Variants in CTDP1 observed in about 807,000 individuals in gnomAD.
CTDP1 encodes the protein RNA polymerase II subunit A C-terminal domain phosphatase.
In CTDP1, 47 loss-of-function variants were observed where a neutral mutation model predicts 91.8. The ratio of observed to expected loss-of-function variants is 0.51; its 90% CI spans 0.41 to 0.65. The LOEUF is 0.65. CTDP1 is among the 30% of genes least tolerant of loss of function. The probability of loss-of-function intolerance (pLI) is 0.00; values close to 1 mark genes in which losing one functional copy is unlikely to be tolerated. For synonymous variants in CTDP1, 656 were observed against 598.5 expected (o/e 1.10, Z -1.40); for missense variants, 1,272 against 1,373.7 (o/e 0.93, Z 1.17).
rs9956086 is a variant in CTDP1 at position 79,729,169 on chromosome 18, G to A, written c.2580+100G>A. 0.23 allele frequency: 340,136 copies of A among 1,461,788 alleles called. 41,043 individuals carry two copies. The highest frequency in any genetic ancestry group is 0.31 in the African/African-American group (22,152 of 71,972). The allele number at this position is 1,461,788 out of a possible 1,614,324, so 90.6% of individuals were successfully genotyped here. Reference sequence around the variant, plus strand: ...TTGCTGAGCTGTGCACCTGGAGGCCGAGCTAGAGTCCTGCACTTGTGTAGT... The same window carrying A: ...TTGCTGAGCTGTGCACCTGGAGGCCAAGCTAGAGTCCTGCACTTGTGTAGT... On this transcript the variant is annotated intron_variant, in intron 11 of 12. Transcript: ENST00000613122.
chr18:79,704,711 G>T, intron 4 of CTDP1, 56 bp from the exon 5 acceptor site: 2 of 1,607,056 alleles, frequency 1.2e-6, no homozygotes, highest in East Asian at 2.2e-5. Flanking sequence ...CAGGTTGCGG[G>T]GGCGGCCGGG....
chr18:79,715,548 G>T lies in CTDP1; in HGVS notation c.2068+20G>T, dbSNP rs1312308258. On this transcript the variant is annotated intron_variant, in intron 8 of 12. Coordinates refer to ENST00000613122, the MANE Select transcript of CTDP1 (RefSeq NM_004715.5). ...GAGCTGGTGAGTGCTGCCTCCCTGT[G>T]CCCTGGGCATGGTCAGGCCCGCGGG... 1.3e-6 allele frequency: 2 copies of T among 1,539,052 alleles called. No individual in the cohort carries two copies. Among genetic ancestry groups the T allele is most frequent in the Non-Finnish European group, 1.7e-6 (2 of 1,146,264 alleles).
chr18:79,684,240 G>T (rs2085436839), intron 1 of CTDP1, among the ~76,000 whole-genome samples: 1 of 152,250 alleles, frequency 6.6e-6, no homozygotes, highest in East Asian at 1.9e-4. Context: ...CATGCTCACA[G>T]TGCCGAGGAG....
intron 4 of CTDP1, chr18:79,703,561 T>C (rs2085902270): frequency 6.6e-6 from 1 of 152,228 alleles, no homozygotes; most frequent in African/African-American, 2.4e-5. Flanking sequence ...TTATACCAGG[T>C]TACCCGGGAA....
rs2085322904 is a variant in CTDP1, at chr18:79,680,008, G to C, written c.61G>C (p.Glu21Gln). The C allele has an allele frequency of 7.6e-7, 1 of 1,310,102 alleles. No individual in the cohort carries two copies. The highest frequency in any genetic ancestry group is 1.6e-5 in the African/African-American group (1 of 64,058). 81.2% of individuals were successfully genotyped at this position (1,310,102 alleles called of 1,614,324 possible). Reference protein sequence around the residue: ...AEGAPTAAVAEVRCPGPAPLR... With the variant: ...AEGAPTAAVAQVRCPGPAPLR... Reference sequence around the variant, plus strand: ...GGGCGCCCCGACGGCGGCTGTGGCCGAGGTGCGCTGCCCGGGGCCCGCGCC... The same window carrying C: ...GGGCGCCCCGACGGCGGCTGTGGCCCAGGTGCGCTGCCCGGGGCCCGCGCC... Residue 21 changes from glutamate to glutamine, a missense_variant, in exon 1 of 13, where the codon GAG (glutamate) becomes CAG (glutamine). Glu to Gln is a conservative substitution (Grantham distance 29). This residue lies in a region of CTDP1 where 214 missense variants were observed against 179.1 expected (regional missense o/e 1.19). Coordinates refer to ENST00000613122, the MANE Select transcript of CTDP1 (RefSeq NM_004715.5).
rs576717877 is a variant in CTDP1 at position 79,753,592 on chromosome 18, C to T, written c.2748-60C>T. ...AGCCACTTCCCAAATGCAGACCAGG[C>T]GGTGACCCGGCGTTGTGCGTTTGCC... On this transcript the variant is annotated intron_variant, in intron 12 of 12. Coordinates refer to ENST00000613122, the MANE Select transcript of CTDP1 (RefSeq NM_004715.5). The T allele has an allele frequency of 2.1e-5, 34 of 1,613,004 alleles. No individual in the cohort carries two copies. In the African/African-American group the frequency reaches 2.3e-4, roughly 11 times the overall value.
At chr18:79,726,187 C>T (rs1262827460) in intron 10 of CTDP1, among the ~76,000 whole-genome samples, 3 of 152,110 alleles carry the variant, frequency 2.0e-5, no homozygotes, top group Non-Finnish European at 2.9e-5. Flanking sequence ...CTGTTCAGCT[C>T]GTTTTCTCTG....
intron 10 of CTDP1, among the ~76,000 whole-genome samples, chr18:79,720,786 G>T (rs2086329242): frequency 6.6e-6 from 1 of 152,154 alleles, no homozygotes. Context: ...ACGACCCACG[G>T]TTGTCATCAG....
At chr18:79,687,516 C>T (rs964217900) in intron 1 of CTDP1, among the ~76,000 whole-genome samples, 18 of 145,518 alleles carry the variant, frequency 1.2e-4, no homozygotes, top group Non-Finnish European at 2.1e-4. Context: ...GGGCCTGCAC[C>T]GGAGCAGTTG....
At chr18:79,691,603 A>T (rs1599201641) in intron 1 of CTDP1, among the ~76,000 whole-genome samples, 1 of 944 alleles carries the variant, frequency 1.1e-3, no homozygotes. Context: ...GACGGCTCCC[A>T]GGGTGGACTC....
At chr18:79,717,738 T>C in intron 9 of CTDP1, 62 bp downstream of exon 9, 1 of 1,613,788 alleles carries the variant, frequency 6.2e-7, no homozygotes, top group Non-Finnish European at 8.5e-7. Context: ...CAGCTGTTGG[T>C]TCATGCACCT....
At chr18:79,745,168 CTG>C (rs1319493691) in intron 12 of CTDP1, among the ~76,000 whole-genome samples, 1 of 152,196 alleles carries the variant, frequency 6.6e-6, no homozygotes, top group African/African-American at 2.4e-5. Flanking sequence ...GTTGTAATGA[CTG>C]TGGCATGGAT....
intron 11 of CTDP1, among the ~76,000 whole-genome samples, chr18:79,731,477 G>A (rs2122749638): frequency 6.6e-6 from 1 of 152,316 alleles, no homozygotes; most frequent in East Asian, 1.9e-4. Flanking sequence ...GGTCAGTGCT[G>A]TGGGAATGTG....
intron 12 of CTDP1, among the ~76,000 whole-genome samples, chr18:79,742,395 C>T (rs1360827645): frequency 6.6e-6 from 1 of 152,202 alleles, no homozygotes; most frequent in African/African-American, 2.4e-5. Flanking sequence ...ATGGCACCAC[C>T]ACACCCAGGC....
At chr18:79,733,521 TGC>T (rs2086607161) in intron 11 of CTDP1, among the ~76,000 whole-genome samples, 1 of 151,956 alleles carries the variant, frequency 6.6e-6, no homozygotes, top group African/African-American at 2.4e-5. Context: ...CCTCTGCAGC[TGC>T]GTTACCTCGT....
chr18:79,715,616 C>A, intron 8 of CTDP1, 88 bp downstream of exon 8: 1 of 1,282,034 alleles, frequency 7.8e-7, no homozygotes, highest in Non-Finnish European at 1.1e-6. Context: ...CTGTTTATCT[C>A]ACTTTCAATT....
rs555509820 is a variant in CTDP1, at chr18:79,693,130, C to T, written c.315-2095C>T. ...ACACAGACTCCTGGGCGGGGATGGC[C>T]CCTGTGGCCTCAGCAAGCAGGGAGC... On this transcript the variant is annotated intron_variant, in intron 1 of 12. Coordinates refer to ENST00000613122, the MANE Select transcript of CTDP1 (RefSeq NM_004715.5). Among the ~76,000 whole-genome samples, 10 of 152,322 alleles carry T rather than the reference C, an allele frequency of 6.6e-5. No individual in the cohort carries two copies. In the South Asian group the frequency reaches 1.7e-3, roughly 25 times the overall value.
chr18:79,736,572 G>A, intron 12 of CTDP1, 51 bp downstream of exon 12: 1 of 1,475,974 alleles, frequency 6.8e-7, no homozygotes, highest in Non-Finnish European at 9.0e-7. Flanking sequence ...TCCCGGAGGT[G>A]ACTCTGCAGT....
At chr18:79,719,487 G>C (rs960311106) in intron 10 of CTDP1, among the ~76,000 whole-genome samples, 1 of 152,178 alleles carries the variant, frequency 6.6e-6, no homozygotes, top group African/African-American at 2.4e-5. Flanking sequence ...TGTCATCCCT[G>C]ATGGATAGGA....
Sources: allele counts gnomAD v4.1 joint callset (sites outside exome capture counted in the v4.1 genomes callset), GRCh38; gene constraint gnomAD v4.1.1; regional missense constraint gnomAD v4.1.1; transcripts MANE v1.5; gene names NCBI Gene and HGNC (gene_info 2026-07-23, HGNC 2026-07-21).